Variants in SYN3 observed in about 807,000 individuals in gnomAD.
The protein encoded by SYN3 is synapsin-3.
SYN3 carries 35 observed loss-of-function variants against 65.8 expected under a neutral mutation model. The observed-to-expected ratio is 0.53, with a 90% CI of 0.41 to 0.70. The LOEUF (loss-of-function observed/expected upper bound fraction) is 0.70. Ranked by LOEUF, SYN3 falls within the 30% of genes least tolerant of loss-of-function variation. The pLI, the probability that SYN3 is intolerant of heterozygous loss-of-function variation, is 0.00. For synonymous variants in SYN3, 270 were observed against 292.9 expected (o/e 0.92, Z 0.80); for missense variants, 680 against 749.0 (o/e 0.91, Z 1.08).
chr22:32,781,815 C>T (rs946662592), intron 6 of SYN3, among the ~76,000 whole-genome samples: 1 of 151,984 alleles, frequency 6.6e-6, no homozygotes, highest in Admixed American at 6.6e-5. Context: ...TTCTTGGGCA[C>T]AGAGAATTGG....
chr22:33,041,603 T>C (rs2053966403), intron 1 of SYN3, among the ~76,000 whole-genome samples: 1 of 152,140 alleles, frequency 6.6e-6, no homozygotes, highest in Admixed American at 6.5e-5. Flanking sequence ...CGGCCTGCAC[T>C]AGGAACTCTT....
intron 4 of SYN3, among the ~76,000 whole-genome samples, chr22:32,874,122 A>T (rs893187528): frequency 5.3e-5 from 8 of 152,188 alleles, no homozygotes; most frequent in African/African-American, 1.9e-4. Flanking sequence ...TGACAGAACA[A>T]GAATCTGTCT....
chr22:32,926,826 A>C (rs571403392), intron 4 of SYN3, among the ~76,000 whole-genome samples: 10 of 152,238 alleles, frequency 6.6e-5, no homozygotes, highest in Non-Finnish European at 1.5e-4. Flanking sequence ...TGCAGTTCTC[A>C]CAAATGACCA....
intron 2 of SYN3, among the ~76,000 whole-genome samples, chr22:32,996,569 T>C (rs2052887221): frequency 6.6e-6 from 1 of 152,034 alleles, no homozygotes; most frequent in Non-Finnish European, 1.5e-5. Context: ...AGAGTTCTCT[T>C]GAGTATTATC....
chr22:32,668,398 C>T (rs926177458), intron 6 of SYN3, among the ~76,000 whole-genome samples: 15 of 150,368 alleles, frequency 1.0e-4, no homozygotes, highest in Admixed American at 6.6e-4. Context: ...TCTTTCCCCT[C>T]TTCCTGTGGA....
In SYN3 at chr22:32,903,134, G is replaced by C. The variant is rs956840131; in HGVS notation, c.461+28256C>G. 5.3e-5 allele frequency among the ~76,000 whole-genome samples: 8 copies of C among 152,292 alleles called. 1 individual carries two copies. The South Asian group carries it at 1.7e-3, about 32-fold the overall frequency. On this transcript the variant is annotated intron_variant, in intron 4 of 13. Transcript: ENST00000358763. ...GGTGGGGACTCTGGTGAGCTATAGAGTCCATGCTCTGACTAAAGGTACACT... is the reference window on the plus strand; with the variant it reads ...GGTGGGGACTCTGGTGAGCTATAGACTCCATGCTCTGACTAAAGGTACACT...
At chr22:32,515,006 T>A (rs2057747993) in intron 13 of SYN3, among the ~76,000 whole-genome samples, 2 of 150,198 alleles carry the variant, frequency 1.3e-5, no homozygotes, top group South Asian at 4.2e-4. Context: ...ACAGTGAGAC[T>A]CCATCTCAAA....
At chr22:32,538,615 C>T (rs767620856) in intron 8 of SYN3, among the ~76,000 whole-genome samples, 5 of 152,254 alleles carry the variant, frequency 3.3e-5, no homozygotes, top group African/African-American at 7.2e-5. Flanking sequence ...ACCTCCCTTC[C>T]GGTGCTCCAC....
chr22:33,033,163 G>A (rs997118001), intron 1 of SYN3, among the ~76,000 whole-genome samples: 2 of 151,976 alleles, frequency 1.3e-5, no homozygotes, highest in African/African-American at 4.8e-5. Context: ...TGTATTTTTA[G>A]TAGAGACGGG....
intron 1 of SYN3, among the ~76,000 whole-genome samples, chr22:33,053,894 T>C (rs1284062968): frequency 6.6e-6 from 1 of 152,170 alleles, no homozygotes; most frequent in Non-Finnish European, 1.5e-5. Context: ...CACGTGTGAA[T>C]ACTCAATCAT....
chr22:32,545,749 C>A (rs376853163), intron 7 of SYN3, among the ~76,000 whole-genome samples: 20 of 152,190 alleles, frequency 1.3e-4, no homozygotes, highest in African/African-American at 4.8e-4. Context: ...TTAGTAGAGA[C>A]GTGGTTTCAC....
chr22:32,669,070 A>G (rs1319146526), intron 6 of SYN3, among the ~76,000 whole-genome samples: 1 of 152,220 alleles, frequency 6.6e-6, no homozygotes, highest in Admixed American at 6.5e-5. Context: ...TGAGGCAGGT[A>G]TGTAAATCTA....
chr22:32,882,530 C>T (rs1233863509), intron 4 of SYN3, among the ~76,000 whole-genome samples: 3 of 152,124 alleles, frequency 2.0e-5, no homozygotes, highest in Non-Finnish European at 2.9e-5. Flanking sequence ...CTTAATTGAT[C>T]CTGACAGTTG....
rs905177237 is a variant in SYN3 at position 32,843,719 on chromosome 22, T to C, written c.711+21196A>G. ...GATGCGAGCCCATGGTCCAGGCTTT[T>C]CTTCCTACCTAGAGCCTGCCTGCTG... On this transcript the variant is annotated intron_variant, in intron 6 of 13. Coordinates refer to ENST00000358763, the MANE Select transcript of SYN3 (RefSeq NM_003490.4). Among the ~76,000 whole-genome samples the C allele has an allele frequency of 3.1e-4, 47 of 152,174 alleles. 1 individual carries two copies. Among genetic ancestry groups the C allele is most frequent in the African/African-American group, 1.1e-3 (47 of 41,442 alleles).
intron 6 of SYN3, among the ~76,000 whole-genome samples, chr22:32,739,644 C>G (rs2061379849): frequency 6.6e-6 from 1 of 152,188 alleles, no homozygotes; most frequent in African/African-American, 2.4e-5. Flanking sequence ...TAGCTGCTTC[C>G]CTGATCCCCC....
intron 3 of SYN3, among the ~76,000 whole-genome samples, chr22:32,948,277 T>C (rs778976368): frequency 3.3e-5 from 5 of 152,154 alleles, no homozygotes; most frequent in Non-Finnish European, 5.9e-5. Flanking sequence ...AACATTTTCA[T>C]AGGTTCCAGG....
At chr22:32,693,556 T>C (rs1175956472) in intron 6 of SYN3, among the ~76,000 whole-genome samples, 1 of 150,876 alleles carries the variant, frequency 6.6e-6, no homozygotes, top group Admixed American at 6.6e-5. Flanking sequence ...TTGTTTGGCC[T>C]AAATCGGGTA....
intron 6 of SYN3, among the ~76,000 whole-genome samples, chr22:32,835,914 G>A (rs367883160): frequency 2.6e-5 from 4 of 152,310 alleles, no homozygotes; most frequent in South Asian, 4.1e-4. Context: ...CCACCTCAAA[G>A]TTCTCACCAT....
At chr22:32,849,745 G>A (rs1411452272) in intron 6 of SYN3, among the ~76,000 whole-genome samples, 2 of 152,178 alleles carry the variant, frequency 1.3e-5, no homozygotes, top group Non-Finnish European at 2.9e-5. Flanking sequence ...AAGAGCCCAT[G>A]CAGGTGGAGT....
Sources: allele counts gnomAD v4.1 joint callset (sites outside exome capture counted in the v4.1 genomes callset), GRCh38; gene constraint gnomAD v4.1.1; transcripts MANE v1.5; gene names NCBI Gene and HGNC (gene_info 2026-07-23, HGNC 2026-07-21).